The following MTHFD1 variants were observed in gnomAD, a reference collection of about 807,000 sequenced individuals.
MTHFD1 encodes the protein C-1-tetrahydrofolate synthase, cytoplasmic.
MTHFD1 carries 44 observed loss-of-function variants against 110.3 expected under a neutral mutation model. The ratio of observed to expected loss-of-function variants is 0.40; its 90% confidence interval spans 0.31 to 0.51. The LOEUF is 0.51. Ranked by LOEUF, MTHFD1 falls within the 20% of genes least tolerant of loss-of-function variation. The pLI is 0.60. For synonymous variants in MTHFD1, 402 were observed against 428.8 expected (o/e 0.94, Z 0.77); for missense variants, 909 against 1,173.1 (o/e 0.77, Z 3.29).
At chr14:64,436,567 C>T (rs2078207538) in intron 16 of MTHFD1, among the ~76,000 whole-genome samples, 1 of 152,214 alleles carries the variant, frequency 6.6e-6, no homozygotes, top group Non-Finnish European at 1.5e-5. Flanking sequence ...ATCAACAATG[C>T]AACCTTCTAT....
rs1287071530 is a variant in MTHFD1 at position 64,454,805 on chromosome 14, G to A, written c.2648G>A (p.Gly883Asp). The stretch of plus-strand genomic sequence containing the variant: ...CCAGAGCAAAAAGGTGTCCCTACAG[G>A]CTTCATTCTGCCCATTCGCGACATC... The part of the protein sequence containing the change: ...HNPEQKGVPT[G>D]FILPIRDIRA... The change falls in exon 26 of 28, where the codon GGC (glycine) becomes GAC (aspartate). Residue 883 changes from glycine (G) to aspartate (D), a missense_variant. Physicochemically the swap from Gly to Asp is moderately conservative, Grantham distance 94. Around this residue, in one of 3 missense-constraint regions of MTHFD1, gnomAD observed 482 missense variants for 646.0 expected, o/e 0.75. Transcript: ENST00000652337. The A allele has an allele frequency of 1.9e-6, 3 of 1,614,014 alleles. No homozygotes were observed. Among genetic ancestry groups the A allele is most frequent in the Non-Finnish European group, 2.5e-6 (3 of 1,180,014 alleles).
intron 2 of MTHFD1, among the ~76,000 whole-genome samples, chr14:64,407,419 C>T (rs1292200881): frequency 2.0e-5 from 3 of 150,726 alleles, no homozygotes; most frequent in African/African-American, 7.3e-5. Flanking sequence ...GAGCTGTAAT[C>T]GTGTCATTGC....
intron 13 of MTHFD1, 103 bp downstream of exon 13, chr14:64,430,333 T>C: frequency 8.9e-7 from 1 of 1,128,328 alleles, no homozygotes; most frequent in South Asian, 1.2e-5. Context: ...AGTCTTGCTC[T>C]GTTGCCCAGA....
intron 23 of MTHFD1, among the ~76,000 whole-genome samples, chr14:64,448,879 A>G (rs556995537): frequency 1.3e-5 from 2 of 151,608 alleles, no homozygotes; most frequent in South Asian, 2.1e-4. Context: ...CACTCGCTGC[A>G]AGCTCTGCCT....
chr14:64,433,713 C>CTTTTTTT lies in MTHFD1; in HGVS notation c.1494+1852_1494+1853insTTTTTTT, dbSNP rs1270622250. On this transcript the variant is annotated intron_variant, in intron 15 of 27. Coordinates refer to ENST00000652337, the MANE Select transcript of MTHFD1 (RefSeq NM_005956.4). ...TACTTGCATGAACCACTGAGCTCAG[C>CTTTTTTT]ATTTTTTTTTTTTTTTTTTTTTTAA... Among the ~76,000 whole-genome samples the CTTTTTTT allele has an allele frequency of 6.8e-5, 9 of 133,256 alleles. 2 individuals carry two copies. The highest frequency in any genetic ancestry group is 2.3e-4 in the South Asian group (1 of 4,292). 87.4% of individuals were successfully genotyped at this position (133,256 alleles called of 152,430 possible).
rs978893180 is a variant in MTHFD1, at chr14:64,454,714, T to C, written c.2566-9T>C. 1.9e-6 allele frequency: 3 copies of C among 1,611,928 alleles called. No homozygotes were observed. Among genetic ancestry groups the C allele is most frequent in the Non-Finnish European group, 2.5e-6 (3 of 1,178,090 alleles). ...CATTTGTCCTCCCTCTCTTCCCTTC[T>C]TTCCCCAGGGCTTTGGGAATCTCCC... On this transcript the variant is annotated splice_polypyrimidine_tract_variant and intron_variant, in intron 25 of 27. Coordinates refer to ENST00000652337, the MANE Select transcript of MTHFD1 (RefSeq NM_005956.4).
At chr14:64,395,833 G>A (rs1299335566) in intron 1 of MTHFD1, among the ~76,000 whole-genome samples, 2 of 152,150 alleles carry the variant, frequency 1.3e-5, no homozygotes, top group Non-Finnish European at 2.9e-5. Context: ...GAAAAACCCT[G>A]ATCAAGAAGC....
Position 64,415,396 on chromosome 14 carries a change from T to A in MTHFD1, c.279T>A (p.Thr93=). ...TTACATCTTTGAATGAAGACTCTAC[T>A]GTACATGGGTTCTTAGTGCAGCTAC... is the stretch of plus-strand genomic sequence containing the variant. ...KYITSLNEDS[T]VHGFLVQLPL... The change falls in exon 5 of 28, where the codon ACT becomes ACA. Residue 93 remains threonine, a synonymous_variant. Coordinates refer to ENST00000652337, the MANE Select transcript of MTHFD1 (RefSeq NM_005956.4). 6.2e-7 allele frequency: 1 copy of A among 1,611,578 alleles called. No homozygotes were observed.
Position 64,412,516 on chromosome 14 carries a change from A to T in MTHFD1, c.231A>T (p.Thr77=), listed in dbSNP as rs897341548. ...ACATTAAGTTACCAAGAACAACCAC[A>T]GAATCTGAGGTGAGCTTTTATGAGT... The part of the protein sequence containing the change: ...ATHIKLPRTT[T]ESEVMKYITS... Residue 77 remains threonine (T), a synonymous_variant, in exon 4 of 28, where the codon ACA becomes ACT. Coordinates refer to ENST00000652337, the MANE Select transcript of MTHFD1 (RefSeq NM_005956.4). The T allele has an allele frequency of 6.2e-7, 1 of 1,613,150 alleles. No individual in the cohort carries two copies. The highest frequency in any genetic ancestry group is 1.3e-5 in the African/African-American group (1 of 75,026).
intron 19 of MTHFD1, 106 bp from the exon 20 acceptor site, chr14:64,441,948 G>A: frequency 1.3e-6 from 1 of 773,030 alleles, no homozygotes. Flanking sequence ...TTCCCTCTGG[G>A]AAGTATTCTT....
rs1032716682 is a variant in MTHFD1 at position 64,431,982 on chromosome 14, G to A, written c.1494+121G>A. On this transcript the variant is annotated intron_variant, in intron 15 of 27. Transcript: ENST00000652337. ...AGATGAAGTTACATCAGTAATCATA[G>A]TCTTAAAGTCATGATATACATAGCA... The A allele has an allele frequency of 6.1e-6, 5 of 824,696 alleles. No individual in the cohort carries two copies. In the African/African-American group the frequency reaches 8.5e-5, roughly 14 times the overall value. 51.1% of individuals were successfully genotyped at this position (824,696 alleles called of 1,614,324 possible).
intron 8 of MTHFD1, among the ~76,000 whole-genome samples, chr14:64,420,386 C>T (rs905102959): frequency 2.0e-5 from 3 of 152,098 alleles, no homozygotes; most frequent in Non-Finnish European, 4.4e-5. Flanking sequence ...GAGGATAAAT[C>T]TAGCCTTTTA....
chr14:64,411,542 G>A (rs1386032549), intron 3 of MTHFD1, among the ~76,000 whole-genome samples: 1 of 152,206 alleles, frequency 6.6e-6, no homozygotes, highest in Non-Finnish European at 1.5e-5. Flanking sequence ...TCATGTAAGA[G>A]GTGGGTAGGG....
At chr14:64,455,007 T>A in intron 26 of MTHFD1, 132 bp downstream of exon 26, 1 of 896,876 alleles carries the variant, frequency 1.1e-6, no homozygotes. Flanking sequence ...GGGCCTATTA[T>A]GATTGCTGTG....
rs367755785 is a variant in MTHFD1, at chr14:64,454,652, C to T, written c.2566-71C>T. The T allele has an allele frequency of 1.8e-4, 228 of 1,263,252 alleles. 1 individual carries two copies. In the Middle Eastern group the frequency reaches 7.3e-3, roughly 40 times the overall value. 78.3% of individuals were successfully genotyped at this position (1,263,252 alleles called of 1,614,324 possible). On this transcript the variant is annotated intron_variant, in intron 25 of 27. Transcript: ENST00000652337. ...ATAAATTGAAGAATCCATGTAATCA[C>T]AGGGCCCAGATGGTCATTGCTGGGT...
chr14:64,431,592 G>A lies in MTHFD1; in HGVS notation c.1372G>A (p.Ala458Thr). The A allele has an allele frequency of 6.2e-7, 1 of 1,614,208 alleles. No homozygotes were observed. The highest frequency in any genetic ancestry group is 8.5e-7 in the Non-Finnish European group (1 of 1,180,038). Residue 458 changes from alanine (A) to threonine (T), a missense_variant, in exon 14 of 28, where the codon GCG (alanine) becomes ACG (threonine). Ala to Thr is a moderately conservative substitution (Grantham distance 58, BLOSUM62 0). Coordinates refer to ENST00000652337, the MANE Select transcript of MTHFD1 (RefSeq NM_005956.4). ...AITAANNLVA[A>T]AIDARIFHEL... is the part of the protein sequence containing the mutation. ...CACTGCAGCTAATAACCTCGTTGCT[G>A]CGGCCATTGATGCTCGGATATTTCA... is the stretch of plus-strand genomic sequence containing the variant.
Position 64,459,832 on chromosome 14 carries a change from G to A in MTHFD1, c.*78G>A. The A allele has an allele frequency of 1.3e-6, 2 of 1,535,988 alleles. No individual in the cohort carries two copies. Among genetic ancestry groups the A allele is most frequent in the South Asian group, 2.4e-5 (2 of 84,064 alleles). ...ATTCAGGCCCACTGGGAGTTAGGAA[G>A]TATAAGTAAGCCAAGAGAAGTCAGC... On this transcript the variant is annotated 3_prime_UTR_variant, in exon 28 of 28. Coordinates refer to ENST00000652337, the MANE Select transcript of MTHFD1 (RefSeq NM_005956.4).
chr14:64,398,401 C>T (rs940170362), intron 1 of MTHFD1, among the ~76,000 whole-genome samples: 2 of 151,996 alleles, frequency 1.3e-5, no homozygotes, highest in Non-Finnish European at 2.9e-5. Flanking sequence ...CAAAAATTAG[C>T]TGAAGTGTGG....
intron 2 of MTHFD1, among the ~76,000 whole-genome samples, chr14:64,408,903 C>G (rs552095435): frequency 6.6e-6 from 1 of 152,258 alleles, no homozygotes; most frequent in East Asian, 1.9e-4. Flanking sequence ...GAGCCATGAT[C>G]ATGCTACTGT....
Sources: allele counts gnomAD v4.1 joint callset (sites outside exome capture counted in the v4.1 genomes callset), GRCh38; gene constraint gnomAD v4.1.1; regional missense constraint gnomAD v4.1.1; transcripts MANE v1.5; gene names NCBI Gene and HGNC (gene_info 2026-07-23, HGNC 2026-07-21).